The following FER variants were observed in gnomAD, a reference collection of about 807,000 sequenced individuals.
FER encodes the protein tyrosine-protein kinase Fer.
In FER, 63 loss-of-function variants were observed where a neutral mutation model predicts 111.0. That is an observed-to-expected ratio of 0.57 (90% CI 0.46 to 0.70). The LOEUF (loss-of-function observed/expected upper bound fraction) is 0.70. FER is among the 30% of genes least tolerant of loss of function. The pLI is 0.00. For missense variants in FER, 914 were observed against 954.0 expected (o/e 0.96, Z 0.55); for synonymous variants, 327 against 313.9 (o/e 1.04, Z -0.44).
chr5:108,880,556 A>G (rs1765574839), intron 8 of FER, among the ~76,000 whole-genome samples: 1 of 152,076 alleles, frequency 6.6e-6, no homozygotes, highest in Non-Finnish European at 1.5e-5. Flanking sequence ...CAGTGGTTGA[A>G]ATGTAGCTTT....
chr5:108,996,853 A>G (rs1323206378), intron 13 of FER, among the ~76,000 whole-genome samples: 2 of 152,202 alleles, frequency 1.3e-5, no homozygotes, highest in Non-Finnish European at 2.9e-5. Flanking sequence ...TACTTTGGGC[A>G]ATATGGCCCT....
intron 10 of FER, among the ~76,000 whole-genome samples, chr5:108,945,267 G>A (rs956925294): frequency 2.0e-5 from 3 of 152,044 alleles, no homozygotes; most frequent in Non-Finnish European, 2.9e-5. Context: ...AAATGTAGTC[G>A]TCATTGGAAA....
chr5:109,004,332 T>C lies in FER; in HGVS notation c.1657-33090T>C, dbSNP rs74698066. On this transcript the variant is annotated intron_variant, in intron 13 of 19. Coordinates refer to ENST00000281092, the MANE Select transcript of FER (RefSeq NM_005246.4). ...CCTAATCACAGAATAGTTTATTGGC[T>C]ATCACTCAGTAGTTTCAAAATATTC... 6.9e-4 allele frequency among the ~76,000 whole-genome samples: 105 copies of C among 152,336 alleles called. No individual in the cohort carries two copies. The East Asian group carries it at 0.018, about 25-fold the overall frequency.
chr5:108,764,544 T>C (rs1752102664), intron 1 of FER, among the ~76,000 whole-genome samples: 1 of 151,988 alleles, frequency 6.6e-6, no homozygotes, highest in African/African-American at 2.4e-5. Flanking sequence ...ATTACAGGCA[T>C]GCGCCACCAT....
chr5:109,040,355 G>A (rs1173607302), intron 14 of FER, among the ~76,000 whole-genome samples: 1 of 152,108 alleles, frequency 6.6e-6, no homozygotes, highest in African/African-American at 2.4e-5. Context: ...TTAAGAGGTG[G>A]AGATAAGAGA....
intron 10 of FER, among the ~76,000 whole-genome samples, chr5:108,929,612 T>G (rs1302755179): frequency 2.0e-5 from 3 of 151,902 alleles, no homozygotes; most frequent in African/African-American, 7.3e-5. Context: ...TTTTTTTTTT[T>G]AAAGGAAGTC....
chr5:109,043,802 C>A (rs956491169), intron 14 of FER, among the ~76,000 whole-genome samples: 5 of 152,060 alleles, frequency 3.3e-5, no homozygotes, highest in Non-Finnish European at 7.4e-5. Context: ...GAAACCCCAT[C>A]TCTACTAAAA....
intron 5 of FER, among the ~76,000 whole-genome samples, chr5:108,839,682 A>G (rs1222629448): frequency 7.1e-6 from 1 of 141,334 alleles, no homozygotes; most frequent in African/African-American, 2.7e-5. Context: ...GATTCACGCC[A>G]TTCTCCTGCC....
At chr5:108,912,823 C>T (rs932802594) in intron 10 of FER, among the ~76,000 whole-genome samples, 1 of 152,158 alleles carries the variant, frequency 6.6e-6, no homozygotes, top group African/African-American at 2.4e-5. Flanking sequence ...CAGTTATGAA[C>T]AAGTGTAGTT....
chr5:108,805,126 G>A (rs974207890), intron 3 of FER, among the ~76,000 whole-genome samples: 1 of 152,010 alleles, frequency 6.6e-6, no homozygotes, highest in African/African-American at 2.4e-5. Context: ...ACATGTTGTG[G>A]GAGGTGACTG....
chr5:109,072,129 A>G (rs1459306296), intron 16 of FER, among the ~76,000 whole-genome samples: 1 of 151,810 alleles, frequency 6.6e-6, no homozygotes, highest in Non-Finnish European at 1.5e-5. Flanking sequence ...GGATATAACT[A>G]ACTAGATCTT....
chr5:108,978,578 T>A (rs1249675125), intron 13 of FER, among the ~76,000 whole-genome samples: 2 of 152,222 alleles, frequency 1.3e-5, no homozygotes, highest in African/African-American at 4.8e-5. Context: ...TTGAAATTAT[T>A]TTTTAAAAAT....
At chr5:108,885,741 CA>C (rs1353576246) in intron 9 of FER, among the ~76,000 whole-genome samples, 2 of 151,780 alleles carry the variant, frequency 1.3e-5, no homozygotes, top group Non-Finnish European at 2.9e-5. Context: ...GAGTTTTCAA[CA>C]TCTGAATTTT....
intron 17 of FER, among the ~76,000 whole-genome samples, chr5:109,123,724 C>G (rs1263122853): frequency 2.0e-5 from 3 of 152,112 alleles, no homozygotes; most frequent in African/African-American, 7.2e-5. Flanking sequence ...TTATTTCTAT[C>G]TTCTTATATT....
intron 5 of FER, among the ~76,000 whole-genome samples, chr5:108,857,927 C>A (rs944324157): frequency 6.6e-5 from 10 of 152,146 alleles, no homozygotes; most frequent in South Asian, 2.1e-4. Context: ...TCATCTTATA[C>A]TTTTCCTACT....
intron 2 of FER, among the ~76,000 whole-genome samples, chr5:108,797,182 A>G (rs897516163): frequency 4.6e-5 from 7 of 152,022 alleles, no homozygotes; most frequent in Non-Finnish European, 8.8e-5. Flanking sequence ...GGTAGGGCCT[A>G]TAATAGGCGC....
chr5:108,946,147 A>C lies in FER; in HGVS notation c.1254A>C (p.Leu418=). The C allele has an allele frequency of 6.2e-7, 1 of 1,612,106 alleles. No individual in the cohort carries two copies. The highest frequency in any genetic ancestry group is 8.5e-7 in the Non-Finnish European group (1 of 1,178,702). Residue 418 remains leucine, a synonymous_variant, in exon 11 of 20, where the codon CTA becomes CTC. Transcript: ENST00000281092. ...CCCTCCAGGAAAGAAAGGAGAGGCT[A>C]TCCAAATTTGAATCTATTCGTCATT... is the stretch of plus-strand genomic sequence containing the variant. ...SVTSMERKER[L]SKFESIRHSI...
chr5:108,976,260 A>G (rs1224744452), intron 13 of FER, among the ~76,000 whole-genome samples: 1 of 152,156 alleles, frequency 6.6e-6, no homozygotes, highest in African/African-American at 2.4e-5. Context: ...TAACTCATCT[A>G]CTTCTCTTTC....
At chr5:109,136,447 C>T (rs1752904988) in intron 17 of FER, among the ~76,000 whole-genome samples, 1 of 151,982 alleles carries the variant, frequency 6.6e-6, no homozygotes, top group Non-Finnish European at 1.5e-5. Flanking sequence ...GAAATGTCTC[C>T]AAGTATGGGT....
Sources: allele counts gnomAD v4.1 joint callset (sites outside exome capture counted in the v4.1 genomes callset), GRCh38; gene constraint gnomAD v4.1.1; transcripts MANE v1.5; gene names NCBI Gene and HGNC (gene_info 2026-07-23, HGNC 2026-07-21).